SH3PXD2B: variants seen among roughly 807,000 people sequenced by gnomAD.
SH3PXD2B encodes SH3 and PX domains 2B.
Under a neutral mutation model 73.1 loss-of-function variants are expected in SH3PXD2B, and 37 were observed. The observed-to-expected ratio is 0.51, with a 90% CI of 0.39 to 0.67. The LOEUF is 0.67. Ranked by LOEUF, SH3PXD2B falls within the 30% of genes least tolerant of loss-of-function variation. SH3PXD2B has a pLI of 0.00. For synonymous variants in SH3PXD2B, 457 were observed against 480.5 expected (o/e 0.95, Z 0.64); for missense variants, 1,053 against 1,197.8 (o/e 0.88, Z 1.78).
At chr5:172,420,422 C>A (rs1475507624) in intron 2 of SH3PXD2B, among the ~76,000 whole-genome samples, 1 of 152,044 alleles carries the variant, frequency 6.6e-6, no homozygotes, top group Non-Finnish European at 1.5e-5. Flanking sequence ...CACATTATTT[C>A]CCCTCCCCCT....
intron 3 of SH3PXD2B, among the ~76,000 whole-genome samples, chr5:172,402,584 C>T (rs1758442576): frequency 6.6e-6 from 1 of 152,176 alleles, no homozygotes. Context: ...TTTCTCTCTT[C>T]TGTACTCTTT....
intron 2 of SH3PXD2B, among the ~76,000 whole-genome samples, chr5:172,415,856 G>C (rs1447515801): frequency 6.6e-6 from 1 of 152,218 alleles, no homozygotes; most frequent in Non-Finnish European, 1.5e-5. Context: ...TGGTAAGACA[G>C]AGGGAAGGAC....
At chr5:172,377,237 T>C (rs1337620012) in intron 5 of SH3PXD2B, among the ~76,000 whole-genome samples, 2 of 152,046 alleles carry the variant, frequency 1.3e-5, no homozygotes, top group Non-Finnish European at 2.9e-5. Flanking sequence ...GTTTTCCTAC[T>C]CATGGCGGCC....
chr5:172,446,069 T>C (rs1759651515), intron 1 of SH3PXD2B, among the ~76,000 whole-genome samples: 1 of 152,154 alleles, frequency 6.6e-6, no homozygotes, highest in African/African-American at 2.4e-5. Flanking sequence ...GGGCAAAGGA[T>C]GCCAGCTCCA....
In SH3PXD2B at chr5:172,377,084, G is replaced by A. The variant is rs192203368; in HGVS notation, c.402-3269C>T. The stretch of plus-strand genomic sequence containing the variant: ...GGCTTAAGACCCGGGCTCCTGCTGA[G>A]CCATGCACCCCTGCTTCCACTGTCC... On this transcript the variant is annotated intron_variant, in intron 5 of 12. Coordinates refer to ENST00000311601, the MANE Select transcript of SH3PXD2B (RefSeq NM_001017995.3). Among the ~76,000 whole-genome samples the A allele has an allele frequency of 1.3e-4, 20 of 152,318 alleles. No individual in the cohort carries two copies. In the East Asian group the frequency reaches 2.3e-3, roughly 18 times the overall value.
chr5:172,391,181 T>A (rs116814012), intron 4 of SH3PXD2B, among the ~76,000 whole-genome samples: 9,357 of 152,116 alleles, frequency 0.062, 431 homozygotes, highest in African/African-American at 0.14. Flanking sequence ...CTCTATGTTC[T>A]CACCATCACT....
At chr5:172,402,657 C>T (rs536444563) in intron 3 of SH3PXD2B, among the ~76,000 whole-genome samples, 3 of 152,228 alleles carry the variant, frequency 2.0e-5, no homozygotes, top group Admixed American at 6.5e-5. Context: ...ATTGAATTAT[C>T]GGGGGTGGGT....
chr5:172,383,239 T>G (rs116296413), intron 4 of SH3PXD2B, among the ~76,000 whole-genome samples: 1 of 152,322 alleles, frequency 6.6e-6, no homozygotes, highest in South Asian at 2.1e-4. Flanking sequence ...AGTCTCCAAG[T>G]TGATGAGGGG....
At chr5:172,427,356 A>G (rs1759118772) in intron 1 of SH3PXD2B, among the ~76,000 whole-genome samples, 1 of 152,018 alleles carries the variant, frequency 6.6e-6, no homozygotes, top group African/African-American at 2.4e-5. Flanking sequence ...GTTATTTTTC[A>G]TTCTTCTGAG....
At chr5:172,395,862 C>A (rs968162576) in intron 3 of SH3PXD2B, among the ~76,000 whole-genome samples, 3 of 152,098 alleles carry the variant, frequency 2.0e-5, no homozygotes, top group Admixed American at 6.6e-5. Flanking sequence ...AGGACCAAAG[C>A]TGCTCTGGAG....
At chr5:172,448,128 G>A (rs1469263908) in intron 1 of SH3PXD2B, among the ~76,000 whole-genome samples, 2 of 152,220 alleles carry the variant, frequency 1.3e-5, no homozygotes, top group Non-Finnish European at 2.9e-5. Context: ...GAACTCTCCT[G>A]TGCAATAGGT....
chr5:172,384,383 C>T (rs1173878548), intron 4 of SH3PXD2B, among the ~76,000 whole-genome samples: 1 of 152,158 alleles, frequency 6.6e-6, no homozygotes, highest in Non-Finnish European at 1.5e-5. Context: ...CCATCTTACC[C>T]ATTTTCAAGT....
At chr5:172,427,329 G>A (rs765807970) in intron 1 of SH3PXD2B, among the ~76,000 whole-genome samples, 8 of 152,078 alleles carry the variant, frequency 5.3e-5, no homozygotes, top group Non-Finnish European at 1.0e-4. Context: ...TTGCCAGAAT[G>A]GGTAGAATGG....
chr5:172,347,707 G>A (rs1198474629), intron 10 of SH3PXD2B, among the ~76,000 whole-genome samples: 1 of 152,146 alleles, frequency 6.6e-6, no homozygotes, highest in Admixed American at 6.5e-5. Flanking sequence ...TGGATTCTCT[G>A]AGCCACAAGG....
intron 4 of SH3PXD2B, among the ~76,000 whole-genome samples, chr5:172,388,489 G>A (rs1758103587): frequency 6.6e-6 from 1 of 152,126 alleles, no homozygotes; most frequent in Non-Finnish European, 1.5e-5. Context: ...TTAATAGCAG[G>A]GGGTAGTAAC....
In SH3PXD2B at chr5:172,334,330, CTTACTCTAG is replaced by C; in HGVS notation, c.*4030_*4038del. 1.0e-6 allele frequency: 1 copy of C among 996,048 alleles called. No homozygotes were observed. Among genetic ancestry groups the C allele is most frequent in the Non-Finnish European group, 1.2e-6 (1 of 838,106 alleles). The allele number at this position is 996,048 out of a possible 1,614,324, so 61.7% of individuals were successfully genotyped here. A position where few individuals can be genotyped will look rare whatever the true frequency, so the allele number is the denominator to read the frequency against. ...GCTCTGCCTGGGACCCTCGTGGAAA[CTTACTCTAG>C]TTAGGAGCAATTCCTCCAGGCCAAG... On this transcript the variant is annotated 3_prime_UTR_variant, in exon 13 of 13. Coordinates refer to ENST00000311601, the MANE Select transcript of SH3PXD2B (RefSeq NM_001017995.3).
intron 2 of SH3PXD2B, among the ~76,000 whole-genome samples, chr5:172,409,941 C>T (rs532779084): frequency 6.6e-6 from 1 of 152,274 alleles, no homozygotes; most frequent in African/African-American, 2.4e-5. Context: ...GTCTTGAACT[C>T]CTGACCTCAG....
At chr5:172,434,782 G>GTTTTTTTTTTTTTGTTTTTTTTTT (rs747705663) in intron 1 of SH3PXD2B, among the ~76,000 whole-genome samples, 1 of 66,350 alleles carries the variant, frequency 1.5e-5, no homozygotes, top group African/African-American at 4.6e-5. Context: ...ATGGCCAATG[G>GTTTTTTTTTTTTTGTTTTTTTTTT]TTTTTTTTTT....
intron 9 of SH3PXD2B, among the ~76,000 whole-genome samples, chr5:172,351,696 G>A (rs1209576773): frequency 2.6e-5 from 4 of 152,082 alleles, no homozygotes; most frequent in African/African-American, 9.7e-5. Context: ...GACCTTTGGG[G>A]AAAGTTGAAC....
Sources: gnomAD v4.1 joint callset for allele counts (sites outside exome capture counted in the v4.1 genomes callset) on GRCh38, gnomAD v4.1.1 for gene constraint, MANE v1.5 for transcripts, NCBI Gene and HGNC (gene_info 2026-07-23, HGNC 2026-07-21) for gene names.